Variants in CCDC171 observed in about 807,000 individuals in gnomAD.
CCDC171 encodes coiled-coil domain containing 171, also known as coiled-coil domain-containing protein 171.
A neutral mutation model predicts 168.2 loss-of-function variants in CCDC171; 177 were observed. The observed-to-expected ratio is 1.05, with a 90% CI of 0.93 to 1.19. The LOEUF (loss-of-function observed/expected upper bound fraction) is 1.19, where lower values mean the gene tolerates loss of function less well. Among genes scored for constraint, CCDC171 ranks in the 50% most tolerant of loss-of-function variants. The pLI is 0.00. For missense variants in CCDC171, 1,991 were observed against 1,539.0 expected (o/e 1.29, Z -4.91); for synonymous variants, 687 against 540.8 (o/e 1.27, Z -3.75).
chr9:15,625,932 G>T (rs953233986), intron 7 of CCDC171, among the ~76,000 whole-genome samples: 1 of 152,110 alleles, frequency 6.6e-6, no homozygotes, highest in Non-Finnish European at 1.5e-5. Flanking sequence ...TCACGATATT[G>T]CTTCTTCCTA....
At chr9:15,679,031 C>A in intron 10 of CCDC171, 135 bp downstream of exon 10, 1 of 608,874 alleles carries the variant, frequency 1.6e-6, no homozygotes, top group Non-Finnish European at 2.7e-6. Flanking sequence ...ACAAAATTTC[C>A]AAAACTGGAA....
chr9:15,812,045 A>T (rs1053543867), intron 21 of CCDC171, among the ~76,000 whole-genome samples: 2 of 151,706 alleles, frequency 1.3e-5, no homozygotes, highest in Non-Finnish European at 3.0e-5. Context: ...AAACAATAAT[A>T]TGTCTTGGCT....
At chr9:15,611,284 A>G (rs760158603) in intron 6 of CCDC171, among the ~76,000 whole-genome samples, 15 of 152,172 alleles carry the variant, frequency 9.9e-5, no homozygotes, top group Non-Finnish European at 1.6e-4. Flanking sequence ...TTTTCTTTAT[A>G]AATTACCCAT....
the CCDC171 span, among the ~76,000 whole-genome samples, chr9:16,079,493 C>A: frequency 6.6e-6 from 1 of 152,158 alleles, no homozygotes; most frequent in South Asian, 2.1e-4. Flanking sequence ...TCAGGTGATG[C>A]TTCTGTAAAT....
chr9:15,597,317 C>A (rs542444639), intron 6 of CCDC171, among the ~76,000 whole-genome samples: 78 of 152,132 alleles, frequency 5.1e-4, no homozygotes, highest in African/African-American at 1.7e-3. Context: ...TGAGATACGT[C>A]CCATCAATAG....
intron 8 of CCDC171, among the ~76,000 whole-genome samples, chr9:16,037,022 T>C (rs1833483367): frequency 6.6e-6 from 1 of 152,134 alleles, no homozygotes; most frequent in Non-Finnish European, 1.5e-5. Flanking sequence ...GAAGAGGAAA[T>C]GATGGTTACG....
intron 18 of CCDC171, among the ~76,000 whole-genome samples, chr9:15,770,848 A>G (rs2056974430): frequency 1.3e-5 from 2 of 152,182 alleles, no homozygotes; most frequent in South Asian, 4.1e-4. Flanking sequence ...AAATCACTCA[A>G]AGGGTCACCT....
At chr9:15,568,439 T>C (rs2039935196) in intron 2 of CCDC171, among the ~76,000 whole-genome samples, 1 of 56,692 alleles carries the variant, frequency 1.8e-5, no homozygotes, top group South Asian at 9.6e-4. Flanking sequence ...CCTGGAGAAT[T>C]TTTTGTATTT....
At chr9:15,744,848 T>G in intron 17 of CCDC171, 71 bp downstream of exon 17, 1 of 1,438,214 alleles carries the variant, frequency 7.0e-7, no homozygotes, top group Non-Finnish European at 9.3e-7. Context: ...TACCTGGCTA[T>G]TATGGAAAAA....
At chr9:15,782,539 G>C (rs2057720438) in intron 20 of CCDC171, among the ~76,000 whole-genome samples, 1 of 152,158 alleles carries the variant, frequency 6.6e-6, no homozygotes, top group Non-Finnish European at 1.5e-5. Context: ...TTAAAACAAG[G>C]AAGTCCTGCA....
chr9:15,573,043 C>T (rs1425129692), intron 3 of CCDC171, among the ~76,000 whole-genome samples: 1 of 152,158 alleles, frequency 6.6e-6, no homozygotes, highest in African/African-American at 2.4e-5. Flanking sequence ...CCTGTAATCT[C>T]AGCTACTTGG....
At chr9:15,787,006 G>T (rs909148387) in intron 21 of CCDC171, among the ~76,000 whole-genome samples, 1 of 152,080 alleles carries the variant, frequency 6.6e-6, no homozygotes, top group African/African-American at 2.4e-5. Context: ...CAGCCTTGTT[G>T]CTTACACAAA....
intron 24 of CCDC171, among the ~76,000 whole-genome samples, chr9:15,884,539 C>T (rs1250330804): frequency 6.6e-6 from 1 of 152,122 alleles, no homozygotes; most frequent in Non-Finnish European, 1.5e-5. Context: ...ATTTTCTTAA[C>T]AGCATAGTAT....
intron 9 of CCDC171, among the ~76,000 whole-genome samples, chr9:15,676,221 C>A (rs772571128): frequency 3.9e-5 from 6 of 152,084 alleles, no homozygotes; most frequent in Non-Finnish European, 8.8e-5. Flanking sequence ...TTTTCAGCTG[C>A]ATCAGGTCAT....
At chr9:16,005,177 C>G (rs918660965) in intron 3 of CCDC171, among the ~76,000 whole-genome samples, 13 of 152,180 alleles carry the variant, frequency 8.5e-5, no homozygotes, top group Admixed American at 5.2e-4. Flanking sequence ...CTCCACCTGC[C>G]CTAGGCAACC....
intron 7 of CCDC171, 62 bp downstream of exon 7, chr9:15,623,475 G>GCGCACGCGCGCACACACACACACACACA: frequency 3.4e-6 from 1 of 293,748 alleles, no homozygotes; most frequent in East Asian, 8.9e-5. Flanking sequence ...GCGCGCGCGC[G>GCGCACGCGCGCACACACACACACACACA]CACACACACA....
In CCDC171 at chr9:15,882,055, C is replaced by G. The variant is rs1818723868; in HGVS notation, c.3600+7392C>G. ...TAGTGCCTTACTAATATACATTCTC[C>G]CTAATAGTGTGCGAGGATTCTCCTT... On this transcript the variant is annotated intron_variant, in intron 24 of 25. Coordinates refer to ENST00000380701, the MANE Select transcript of CCDC171 (RefSeq NM_173550.4). Among the ~76,000 whole-genome samples the G allele has an allele frequency of 2.0e-5, 3 of 152,140 alleles. No homozygotes were observed. In the South Asian group the frequency reaches 6.2e-4, roughly 31 times the overall value.
intron 11 of CCDC171, among the ~76,000 whole-genome samples, chr9:15,716,865 G>A (rs920215655): frequency 1.3e-5 from 2 of 152,148 alleles, no homozygotes; most frequent in African/African-American, 4.8e-5. Flanking sequence ...CTGCATTGGG[G>A]ATTAAGTTTC....
At chr9:16,070,114 C>A in the CCDC171 span, among the ~76,000 whole-genome samples, 1 of 152,128 alleles carries the variant, frequency 6.6e-6, no homozygotes, top group South Asian at 2.1e-4. Context: ...TAGCTTTAAA[C>A]TCCAATGAGC....
Sources: gnomAD v4.1 joint callset for allele counts (sites outside exome capture counted in the v4.1 genomes callset) on GRCh38, gnomAD v4.1.1 for gene constraint, MANE v1.5 for transcripts, NCBI Gene and HGNC (gene_info 2026-07-23, HGNC 2026-07-21) for gene names.